The following MGST1 variants were observed in gnomAD, a reference collection of about 807,000 sequenced individuals.
The protein encoded by MGST1 is microsomal glutathione S-transferase 1, also known as glutathione S-transferase 12.
Under a neutral mutation model 8.9 loss-of-function variants are expected in MGST1, and 5 were observed. The ratio of observed to expected loss-of-function variants is 0.56; its 90% confidence interval spans 0.29 to 1.19. MGST1 has a LOEUF of 1.19. Among genes scored for constraint, MGST1 ranks in the 50% most tolerant of loss-of-function variants. MGST1 has a pLI of 0.08. For missense variants in MGST1, 182 were observed against 187.4 expected (o/e 0.97, Z 0.17); for synonymous variants, 54 against 67.8 (o/e 0.80, Z 1.00).
intron 4 of MGST1, among the ~76,000 whole-genome samples, chr12:16,485,023 T>A (rs1941390181): frequency 6.6e-6 from 1 of 152,234 alleles, no homozygotes; most frequent in Admixed American, 6.5e-5. Context: ...TCGTTCTTGC[T>A]ACAGTTAACA....
At position 16,503,573 on chromosome 12, in the gene MGST1, T is replaced by C. The variant is rs147981147; in HGVS notation, n.483-85955T>C. Among the ~76,000 whole-genome samples the C allele has an allele frequency of 4.1e-4, 63 of 152,274 alleles. No individual in the cohort carries two copies. Among genetic ancestry groups the C allele is most frequent in the African/African-American group, 1.4e-3 (58 of 41,558 alleles). On this transcript the variant is annotated intron_variant and non_coding_transcript_variant, in intron 4 of 4. Coordinates refer to the MGST1 transcript ENST00000538857. The surrounding 1 kb of genome is among the most constrained non-coding windows in gnomAD (Gnocchi z 4.8). Reference sequence around the variant, plus strand: ...CTCTTCTCTACTATTGGCTTCATAATTGTACATCCTCTTTAGACAGGAGGC... The same window carrying C: ...CTCTTCTCTACTATTGGCTTCATAACTGTACATCCTCTTTAGACAGGAGGC...
At chr12:16,592,858 A>G (rs1943535795), downstream of MGST1, among the ~76,000 whole-genome samples, 1 of 151,940 alleles carries the variant, frequency 6.6e-6, no homozygotes, top group African/African-American at 2.4e-5. Context: ...AACAAAAAGA[A>G]TAAAATAATT....
At chr12:16,538,671 A>G (rs567296159) in intron 4 of MGST1, among the ~76,000 whole-genome samples, 112 of 142,968 alleles carry the variant, frequency 7.8e-4, no homozygotes, top group African/African-American at 2.8e-3. Flanking sequence ...TGCCGTGGCG[A>G]GATCTCGGCT....
intron 1 of MGST1, among the ~76,000 whole-genome samples, chr12:16,405,815 A>G (rs1940694243): frequency 6.6e-6 from 1 of 152,216 alleles, no homozygotes; most frequent in Admixed American, 6.5e-5. Flanking sequence ...CAAAAACAGT[A>G]AGATCGTCTA....
chr12:16,394,113 T>G (rs1940577640), intron 1 of MGST1, among the ~76,000 whole-genome samples: 1 of 152,242 alleles, frequency 6.6e-6, no homozygotes, highest in South Asian at 2.1e-4. Context: ...AGTGATGGCA[T>G]TAAAGAACAC....
intron 4 of MGST1, among the ~76,000 whole-genome samples, chr12:16,563,908 G>A (rs538833081): frequency 6.6e-6 from 1 of 152,178 alleles, no homozygotes; most frequent in African/African-American, 2.4e-5. Context: ...CATGATACAT[G>A]GTAATTTGCC....
At chr12:16,439,430 T>A (rs559494869), downstream of MGST1, among the ~76,000 whole-genome samples, 112 of 151,988 alleles carry the variant, frequency 7.4e-4, no homozygotes, top group African/African-American at 2.6e-3. Flanking sequence ...AGTCAGACTC[T>A]AATTATGTTT....
intron 1 of MGST1, among the ~76,000 whole-genome samples, chr12:16,387,728 G>T (rs893287353): frequency 6.6e-6 from 1 of 151,918 alleles, no homozygotes; most frequent in Non-Finnish European, 1.5e-5. Context: ...GGTTTTCACC[G>T]TGTTAACCAG....
At chr12:16,443,394 T>C (rs1941053704), downstream of MGST1, among the ~76,000 whole-genome samples, 2 of 151,832 alleles carry the variant, frequency 1.3e-5, no homozygotes, top group Admixed American at 6.6e-5. Flanking sequence ...TTTTGTTTTT[T>C]CATCATCCCA....
chr12:16,425,229 A>G (rs912335450), intron 1 of MGST1, among the ~76,000 whole-genome samples: 22 of 152,334 alleles, frequency 1.4e-4, no homozygotes, highest in Admixed American at 9.1e-4. Context: ...AAGTAATAAA[A>G]TAGCCATAAT....
intron 1 of MGST1, among the ~76,000 whole-genome samples, chr12:16,395,753 T>A (rs2137057125): frequency 6.9e-6 from 1 of 144,682 alleles, no homozygotes; most frequent in South Asian, 2.2e-4. Context: ...ATTAATTTGT[T>A]CCTTTAATGG....
intron 4 of MGST1, among the ~76,000 whole-genome samples, chr12:16,578,878 G>T (rs1336814879): frequency 2.0e-5 from 3 of 151,914 alleles, no homozygotes; most frequent in Non-Finnish European, 4.4e-5. Flanking sequence ...TTCACTAGAA[G>T]AATATATTCA....
At chr12:16,553,064 T>C (rs771020327) in intron 4 of MGST1, among the ~76,000 whole-genome samples, 2 of 152,136 alleles carry the variant, frequency 1.3e-5, no homozygotes, top group Non-Finnish European at 2.9e-5. Context: ...CCTCAATGTT[T>C]GAAACATAGG....
chr12:16,494,016 A>G (rs1024518044), intron 4 of MGST1, among the ~76,000 whole-genome samples: 22 of 152,116 alleles, frequency 1.4e-4, no homozygotes, highest in African/African-American at 5.1e-4. Context: ...TTAACATAAG[A>G]GGGTGACTTT....
intron 4 of MGST1, among the ~76,000 whole-genome samples, chr12:16,504,946 A>T (rs1235463826): frequency 6.6e-6 from 1 of 152,158 alleles, no homozygotes; most frequent in African/African-American, 2.4e-5. Context: ...TGCTTGCTAT[A>T]GGTTACCAGT....
chr12:16,376,083 G>T, intron 3 of MGST1: 1 of 1,275,856 alleles, frequency 7.8e-7, no homozygotes, highest in Non-Finnish European at 1.1e-6. Flanking sequence ...TATAGTCTTT[G>T]AAGGATATTA....
chr12:16,352,058 G>A (rs1430128728), intron 1 of MGST1, among the ~76,000 whole-genome samples: 1 of 152,198 alleles, frequency 6.6e-6, no homozygotes, highest in African/African-American at 2.4e-5. Context: ...AGAGTATAGT[G>A]TAGTAACCGT....
intron 3 of MGST1, among the ~76,000 whole-genome samples, chr12:16,359,621 A>T (rs1394572464): frequency 1.3e-5 from 2 of 152,244 alleles, no homozygotes; most frequent in Non-Finnish European, 2.9e-5. Flanking sequence ...AATAAAAAAA[A>T]GTGAGTGAAG....
chr12:16,498,836 A>C (rs1941486800), intron 4 of MGST1, among the ~76,000 whole-genome samples: 1 of 152,210 alleles, frequency 6.6e-6, no homozygotes, highest in African/African-American at 2.4e-5. Context: ...TCTCTGTTTC[A>C]AATTGGGTGT....
Sources: allele counts gnomAD v4.1 joint callset (sites outside exome capture counted in the v4.1 genomes callset), GRCh38; gene constraint gnomAD v4.1.1; non-coding constraint Gnocchi (gnomAD v3.1); transcripts MANE v1.5; gene names NCBI Gene and HGNC (gene_info 2026-07-23, HGNC 2026-07-21).